Variants in PPA1 observed in about 807,000 individuals in gnomAD.
PPA1 encodes inorganic pyrophosphatase.
In PPA1, 23 loss-of-function variants were observed where a neutral mutation model predicts 41.8. That is an observed-to-expected ratio of 0.55 (90% CI 0.40 to 0.78). The LOEUF is 0.78. Ranked by LOEUF, PPA1 falls within the 30% of genes least tolerant of loss-of-function variation. PPA1 has a pLI of 0.00. For synonymous variants in PPA1, 101 were observed against 116.8 expected (o/e 0.86, Z 0.87); for missense variants, 320 against 361.6 (o/e 0.89, Z 0.93).
At chr10:70,204,602 T>C in intron 10 of PPA1, 1 of 345,964 alleles carries the variant, frequency 2.9e-6, no homozygotes, top group Non-Finnish European at 5.2e-6. Context: ...AGTGATCTAT[T>C]GCACAGGATG....
intron 9 of PPA1, chr10:70,206,027 A>C (rs1452377925): frequency 4.1e-6 from 2 of 485,676 alleles, no homozygotes. Context: ...ATTTTTACAA[A>C]TCTTACTACC....
intron 6 of PPA1, chr10:70,210,282 G>A (rs910993432): frequency 9.5e-6 from 8 of 845,802 alleles, no homozygotes; most frequent in African/African-American, 1.8e-5. Flanking sequence ...TCGTCATGTT[G>A]CCCAGGCTGG....
At chr10:70,215,317 T>C (rs1160362826) in intron 4 of PPA1, among the ~76,000 whole-genome samples, 1 of 152,196 alleles carries the variant, frequency 6.6e-6, no homozygotes, top group Non-Finnish European at 1.5e-5. Context: ...CTCAAACTCC[T>C]GGGCTCAAGT....
chr10:70,212,811 A>T (rs1564581973), intron 6 of PPA1, among the ~76,000 whole-genome samples: 1 of 150,574 alleles, frequency 6.6e-6, no homozygotes, highest in Non-Finnish European at 1.5e-5. Context: ...TATGTTATGT[A>T]AAATTTACCA....
chr10:70,206,190 A>C, intron 9 of PPA1, 74 bp downstream of exon 9: 3 of 1,148,624 alleles, frequency 2.6e-6, no homozygotes, highest in African/African-American at 1.5e-5. Context: ...CGAAACAAGT[A>C]CTTCCTCTCC....
At chr10:70,216,206 G>A (rs1380273964) in intron 4 of PPA1, among the ~76,000 whole-genome samples, 2 of 152,154 alleles carry the variant, frequency 1.3e-5, no homozygotes, top group Non-Finnish European at 2.9e-5. Flanking sequence ...AATCAATTGA[G>A]GCCGGGCGTG....
At chr10:70,214,423 G>T in intron 5 of PPA1, 77 bp downstream of exon 5, 1 of 1,166,448 alleles carries the variant, frequency 8.6e-7, no homozygotes, top group Non-Finnish European at 1.3e-6. Context: ...TTTATTCACA[G>T]TATTTTTTAA....
At chr10:70,224,388 C>T (rs1288613510) in intron 2 of PPA1, among the ~76,000 whole-genome samples, 1 of 152,148 alleles carries the variant, frequency 6.6e-6, no homozygotes, top group East Asian at 1.9e-4. Flanking sequence ...TTATGTCACT[C>T]CATTAATCAA....
At chr10:70,221,070 ATATATAT>A (rs1840159129) in intron 2 of PPA1, among the ~76,000 whole-genome samples, 1 of 16,466 alleles carries the variant, frequency 6.1e-5, no homozygotes, top group African/African-American at 4.2e-4. Context: ...ATATATATAT[ATATATAT>A]TTTTTTTTTT....
At chr10:70,204,200 T>G (rs1031118513) in intron 10 of PPA1, 5 of 152,098 alleles carry the variant, frequency 3.3e-5, no homozygotes, top group Admixed American at 2.6e-4. Flanking sequence ...GAGACCAGCT[T>G]GGGCAACATG....
chr10:70,220,334 C>A (rs1465148388), intron 2 of PPA1, among the ~76,000 whole-genome samples: 1 of 144,028 alleles, frequency 6.9e-6, no homozygotes, highest in African/African-American at 2.6e-5. Context: ...CTCACTGAAG[C>A]CTCAACCACC....
intron 2 of PPA1, among the ~76,000 whole-genome samples, chr10:70,227,535 C>T (rs1218262853): frequency 6.6e-6 from 1 of 151,008 alleles, no homozygotes; most frequent in Non-Finnish European, 1.5e-5. Context: ...CCTGTGGTTC[C>T]AGCTATTCAG....
intron 2 of PPA1, among the ~76,000 whole-genome samples, chr10:70,225,969 C>T (rs1312581960): frequency 2.0e-5 from 3 of 152,118 alleles, no homozygotes; most frequent in Non-Finnish European, 4.4e-5. Context: ...GAAAGAAATA[C>T]GATGACCGAA....
intron 6 of PPA1, chr10:70,210,449 A>C: frequency 7.4e-7 from 1 of 1,359,912 alleles, no homozygotes; most frequent in Non-Finnish European, 9.8e-7. Flanking sequence ...GATTAGATTG[A>C]TATCCATTGA....
rs578078575 is a variant in PPA1 at position 70,209,615 on chromosome 10, C to T, written c.582G>A (p.Lys194=). Residue 194 remains lysine (K), a synonymous_variant, in exon 7 of 11, where the codon AAG becomes AAA. Transcript: ENST00000373232. ...EATVDWFRRY[K]VPDGKPENEF... ...CATTTTCTGGTTTTCCATCAGGAACCTTATACCTTCTAAACCAGTCCACAG... is the reference window on the plus strand; with the variant it reads ...CATTTTCTGGTTTTCCATCAGGAACTTTATACCTTCTAAACCAGTCCACAG... 112 of 1,607,986 alleles carry T rather than the reference C, an allele frequency of 7.0e-5. No individual in the cohort carries two copies. Among genetic ancestry groups the T allele is most frequent in the South Asian group, 6.3e-4 (56 of 89,478 alleles).
intron 5 of PPA1, 113 bp downstream of exon 5, chr10:70,214,387 T>C: frequency 1.2e-6 from 1 of 808,546 alleles, no homozygotes; most frequent in Non-Finnish European, 2.0e-6. Flanking sequence ...CAAAGAGACA[T>C]CATTATTTCA....
chr10:70,227,650 CA>C (rs11382289), intron 2 of PPA1, among the ~76,000 whole-genome samples: 8,119 of 74,978 alleles, frequency 0.11, 322 homozygotes, highest in East Asian at 0.31. Context: ...AACCCTATCT[CA>C]AAAAAAAAAA....
intron 6 of PPA1, among the ~76,000 whole-genome samples, chr10:70,211,798 G>A (rs2184334): frequency 0.72 from 109,355 of 152,084 alleles, 40,127 homozygotes; most frequent in Non-Finnish European, 0.79. Context: ...TGCATAAGAA[G>A]CACGTTGGAA....
Position 70,209,612 on chromosome 10 carries a change from A to G in PPA1, c.585T>C (p.Val195=). The G allele has an allele frequency of 1.2e-6, 2 of 1,607,502 alleles. No individual in the cohort carries two copies. The highest frequency in any genetic ancestry group is 1.7e-4 in the Middle Eastern group (1 of 6,034). Residue 195 remains valine, a synonymous_variant, in exon 7 of 11, where the codon GTT becomes GTC. Transcript: ENST00000373232. ...ATVDWFRRYK[V]PDGKPENEFA... ...ACTCATTTTCTGGTTTTCCATCAGGAACCTTATACCTTCTAAACCAGTCCA... is the reference window on the plus strand; with the variant it reads ...ACTCATTTTCTGGTTTTCCATCAGGGACCTTATACCTTCTAAACCAGTCCA...
Sources: gnomAD v4.1 joint callset for allele counts (sites outside exome capture counted in the v4.1 genomes callset) on GRCh38, gnomAD v4.1.1 for gene constraint, MANE v1.5 for transcripts, NCBI Gene and HGNC (gene_info 2026-07-23, HGNC 2026-07-21) for gene names.